The following CAPN13 variants were observed in gnomAD, a reference collection of about 807,000 sequenced individuals.
CAPN13 encodes the protein calpain-13.
A neutral mutation model predicts 98.4 loss-of-function variants in CAPN13; 90 were observed. The ratio of observed to expected loss-of-function variants is 0.92; its 90% CI spans 0.77 to 1.09. CAPN13 has a LOEUF of 1.09. Ranked by LOEUF, CAPN13 falls within the 50% of genes least tolerant of loss-of-function variation. CAPN13 has a pLI of 0.00. For missense variants in CAPN13, 887 were observed against 841.3 expected, an observed-to-expected ratio of 1.05 and a Z score of -0.67; for synonymous variants, 330 against 305.5, an observed-to-expected ratio of 1.08 and a Z score of -0.84.
intron 2 of CAPN13, among the ~76,000 whole-genome samples, chr2:30,781,111 C>T (rs928013816): frequency 1.3e-5 from 2 of 152,328 alleles, no homozygotes; most frequent in East Asian, 3.9e-4. Context: ...TCAGAGATAG[C>T]GTTCAAGATT....
chr2:30,731,453 G>A, intron 20 of CAPN13, 54 bp from the exon 21 acceptor site: 1 of 1,508,524 alleles, frequency 6.6e-7, no homozygotes, highest in Non-Finnish European at 9.1e-7. Flanking sequence ...AATCCAGGCA[G>A]TTCAGGGGAG....
chr2:30,740,009 C>A (rs1671568476), intron 15 of CAPN13, among the ~76,000 whole-genome samples: 1 of 151,944 alleles, frequency 6.6e-6, no homozygotes, highest in Non-Finnish European at 1.5e-5. Context: ...CACAGGCAGA[C>A]CCTGGGTTAT....
At chr2:30,788,217 C>A (rs1044964503) in intron 1 of CAPN13, among the ~76,000 whole-genome samples, 3 of 152,212 alleles carry the variant, frequency 2.0e-5, no homozygotes, top group African/African-American at 7.2e-5. Flanking sequence ...AGCCTGTGAA[C>A]CTATTTCTCC....
At chr2:30,727,749 T>C (rs1670909086) in intron 22 of CAPN13, among the ~76,000 whole-genome samples, 1 of 152,138 alleles carries the variant, frequency 6.6e-6, no homozygotes, top group South Asian at 2.1e-4. Context: ...AGTTTGGTGG[T>C]TCCTCAAAAA....
intron 15 of CAPN13, among the ~76,000 whole-genome samples, chr2:30,740,453 T>C (rs995378612): frequency 2.0e-5 from 3 of 152,138 alleles, no homozygotes; most frequent in Admixed American, 1.3e-4. Flanking sequence ...GAGGACACAG[T>C]GAGTGCATGG....
At chr2:30,750,539 G>A (rs1672122748) in intron 11 of CAPN13, among the ~76,000 whole-genome samples, 1 of 152,070 alleles carries the variant, frequency 6.6e-6, no homozygotes, top group East Asian at 1.9e-4. Context: ...GCAGAAGTTT[G>A]CATGCCAGCC....
At chr2:30,740,106 T>G (rs11684905) in intron 15 of CAPN13, among the ~76,000 whole-genome samples, 35,251 of 147,904 alleles carry the variant, frequency 0.24, 4,661 homozygotes, top group Admixed American at 0.35. Context: ...TTTTTTTTTT[T>G]TTTTTTGAGA....
intron 22 of CAPN13, among the ~76,000 whole-genome samples, chr2:30,723,669 AC>A (rs1368201780): frequency 6.6e-6 from 1 of 152,098 alleles, no homozygotes; most frequent in African/African-American, 2.4e-5. Flanking sequence ...CTAGCTTTGG[AC>A]TTCTGCAGAG....
chr2:30,802,837 T>C (rs1275130234), intron 1 of CAPN13, among the ~76,000 whole-genome samples: 1 of 152,170 alleles, frequency 6.6e-6, no homozygotes, highest in African/African-American at 2.4e-5. Context: ...CCCCTCTTGC[T>C]GTCTGGCCTA....
intron 5 of CAPN13, among the ~76,000 whole-genome samples, chr2:30,765,381 G>A (rs574918043): frequency 4.6e-5 from 7 of 152,272 alleles, no homozygotes; most frequent in Admixed American, 3.9e-4. Flanking sequence ...TGGGCTTCTC[G>A]CCAGGGACCT....
intron 20 of CAPN13, among the ~76,000 whole-genome samples, chr2:30,732,062 C>T (rs780254303): frequency 2.4e-4 from 36 of 152,326 alleles, no homozygotes; most frequent in South Asian, 1.0e-3. Context: ...GGGGAGGGAC[C>T]TCCTGCCCCT....
intron 7 of CAPN13, 22 bp from the exon 8 acceptor site, chr2:30,758,159 A>G (rs776414024): frequency 1.3e-6 from 2 of 1,555,544 alleles, no homozygotes; most frequent in African/African-American, 1.4e-5. Flanking sequence ...ACAGAAAAGG[A>G]AACTCAGTGC....
intron 2 of CAPN13, among the ~76,000 whole-genome samples, chr2:30,784,392 A>C (rs1246200900): frequency 6.6e-6 from 1 of 152,132 alleles, no homozygotes; most frequent in Non-Finnish European, 1.5e-5. Flanking sequence ...CAAATTAATC[A>C]CAGTAACAAA....
chr2:30,760,298 G>C (rs959136836), intron 7 of CAPN13, among the ~76,000 whole-genome samples: 1 of 152,164 alleles, frequency 6.6e-6, no homozygotes, highest in Non-Finnish European at 1.5e-5. Context: ...TGTTAGCCAG[G>C]ATGGATACGC....
intron 15 of CAPN13, among the ~76,000 whole-genome samples, chr2:30,739,027 T>C (rs1671524486): frequency 6.6e-6 from 1 of 152,278 alleles, no homozygotes; most frequent in African/African-American, 2.4e-5. Flanking sequence ...ACATCATGGT[T>C]TTCTTCGGAT....
intron 2 of CAPN13, among the ~76,000 whole-genome samples, chr2:30,785,327 G>A (rs1674214289): frequency 6.6e-6 from 1 of 152,196 alleles, no homozygotes; most frequent in African/African-American, 2.4e-5. Context: ...AGAAAACAAA[G>A]CAGATAAAGT....
At chr2:30,744,543 T>C (rs1390659224) in intron 12 of CAPN13, among the ~76,000 whole-genome samples, 1 of 152,102 alleles carries the variant, frequency 6.6e-6, no homozygotes, top group Non-Finnish European at 1.5e-5. Context: ...TGTGGGTGCA[T>C]GGGGAGGCAG....
At chr2:30,796,146 A>T (rs6735449) in intron 1 of CAPN13, among the ~76,000 whole-genome samples, 1 of 144,576 alleles carries the variant, frequency 6.9e-6, no homozygotes, top group African/African-American at 2.7e-5. Context: ...ATATGTGTGT[A>T]TATATATATA....
intron 10 of CAPN13, among the ~76,000 whole-genome samples, chr2:30,752,490 C>T (rs558217317): frequency 5.9e-5 from 9 of 152,286 alleles, no homozygotes; most frequent in East Asian, 3.9e-4. Context: ...GGCTCAGATG[C>T]GCCTACCTGT....
Sources: gnomAD v4.1 joint callset for allele counts (sites outside exome capture counted in the v4.1 genomes callset) on GRCh38, gnomAD v4.1.1 for gene constraint, MANE v1.5 for transcripts, NCBI Gene and HGNC (gene_info 2026-07-23, HGNC 2026-07-21) for gene names.